TENM2: variants seen among roughly 807,000 people sequenced by gnomAD.
TENM2 encodes the protein teneurin-2.
A neutral mutation model predicts 245.2 loss-of-function variants in TENM2; 52 were observed. The observed-to-expected ratio is 0.21, with a 90% CI of 0.17 to 0.27. The LOEUF is 0.27. TENM2 is among the 10% of genes least tolerant of loss of function. The probability of loss-of-function intolerance (pLI) is 1.00; values close to 1 mark genes in which losing one functional copy is unlikely to be tolerated. For synonymous variants in TENM2, 1,363 were observed against 1,438.9 expected (o/e 0.95, Z 1.19); for missense variants, 3,046 against 3,666.8 (o/e 0.83, Z 4.37).
chr5:167,569,078 C>CTTTTTTTTTTTTTT (rs34311803), intron 2 of TENM2, among the ~76,000 whole-genome samples: 3 of 48,952 alleles, frequency 6.1e-5, no homozygotes, highest in African/African-American at 2.8e-4. Flanking sequence ...CTTCCTACAG[C>CTTTTTTTTTTTTTT]TTTTTTTTTT....
intron 9 of TENM2, among the ~76,000 whole-genome samples, chr5:168,100,340 C>T (rs1793705951): frequency 6.6e-6 from 1 of 152,140 alleles, no homozygotes; most frequent in Non-Finnish European, 1.5e-5. Flanking sequence ...CCTCAAGGAT[C>T]TAGAACCAGA....
chr5:168,113,209 G>T (rs1489371713), intron 9 of TENM2, among the ~76,000 whole-genome samples: 1 of 151,870 alleles, frequency 6.6e-6, no homozygotes, highest in Non-Finnish European at 1.5e-5. Context: ...GGTCCCAGAT[G>T]CTCTGGAGGC....
the TENM2 span, among the ~76,000 whole-genome samples, chr5:166,987,898 C>T: frequency 6.6e-6 from 1 of 152,120 alleles, no homozygotes; most frequent in African/African-American, 2.4e-5. Flanking sequence ...GAAAAATGTT[C>T]TCTAAAGGAT....
the TENM2 span, among the ~76,000 whole-genome samples, chr5:167,088,235 A>G: frequency 2.6e-5 from 4 of 152,200 alleles, no homozygotes; most frequent in Non-Finnish European, 5.9e-5. Context: ...ATAGTCCTGT[A>G]TTTGGAAATA....
At chr5:167,283,649 G>A (rs190982065), upstream of TENM2, among the ~76,000 whole-genome samples, 56 of 152,320 alleles carry the variant, frequency 3.7e-4, no homozygotes, top group East Asian at 9.1e-3. Context: ...AGCAACAGTA[G>A]CCTGGAGAAA....
At chr5:167,239,586 C>A in the TENM2 span, among the ~76,000 whole-genome samples, 1 of 152,134 alleles carries the variant, frequency 6.6e-6, no homozygotes, top group Non-Finnish European at 1.5e-5. Flanking sequence ...CAACGAGGTA[C>A]CTTTTACTAG....
intron 2 of TENM2, among the ~76,000 whole-genome samples, chr5:167,610,009 T>C (rs1289522199): frequency 6.6e-6 from 1 of 152,132 alleles, no homozygotes; most frequent in Admixed American, 6.6e-5. Context: ...TGACGTACAC[T>C]TTTGATCGGC....
chr5:167,499,864 G>T (rs1354221431), intron 2 of TENM2, among the ~76,000 whole-genome samples: 1 of 146,112 alleles, frequency 6.8e-6, no homozygotes, highest in Non-Finnish European at 1.5e-5. Flanking sequence ...GTGTGCATGT[G>T]TATGTGAGGG....
chr5:167,151,212 A>G, the TENM2 span, among the ~76,000 whole-genome samples: 16 of 152,218 alleles, frequency 1.1e-4, no homozygotes, highest in Non-Finnish European at 1.9e-4. Context: ...ATCAATTAAA[A>G]AGGAAAAACA....
the TENM2 span, among the ~76,000 whole-genome samples, chr5:167,228,790 C>T: frequency 9.2e-5 from 14 of 151,880 alleles, no homozygotes; most frequent in Admixed American, 3.3e-4. Context: ...CTGCAAGCTC[C>T]GCCTCCTGTG....
intron 1 of TENM2, among the ~76,000 whole-genome samples, chr5:167,365,529 AAAAG>A (rs1759995388): frequency 1.3e-5 from 2 of 151,968 alleles, no homozygotes; most frequent in Admixed American, 6.6e-5. Flanking sequence ...TCAATTTAAA[AAAAG>A]AAAGGATCCC....
the TENM2 span, among the ~76,000 whole-genome samples, chr5:167,063,987 C>T: frequency 5.9e-5 from 9 of 152,136 alleles, no homozygotes; most frequent in Non-Finnish European, 1.2e-4. Context: ...GGACATCTGG[C>T]GTTATCAGGA....
rs185666411 is a variant in TENM2 at position 167,675,969 on chromosome 5, A to G, written c.503-200017A>G. On this transcript the variant is annotated intron_variant, in intron 2 of 28. Coordinates refer to ENST00000518659, the Ensembl canonical transcript of TENM2. ...AATGTCAAAGATCAGTCTGACTTTC[A>G]AAACCTTAGGAAAATTTACCTACCC... 5.6e-3 allele frequency among the ~76,000 whole-genome samples: 852 copies of G among 152,208 alleles called. 5 individuals are homozygous for G. Among genetic ancestry groups the G allele is most frequent in the African/African-American group, 0.019 (802 of 41,544 alleles).
chr5:167,292,659 C>G (rs142030018), intron 1 of TENM2, among the ~76,000 whole-genome samples: 1 of 152,314 alleles, frequency 6.6e-6, no homozygotes, highest in African/African-American at 2.4e-5. Flanking sequence ...TAAAAGGCAA[C>G]TGCAATTTGT....
the TENM2 span, among the ~76,000 whole-genome samples, chr5:167,255,077 T>TC: frequency 4.0e-5 from 6 of 151,030 alleles, no homozygotes; most frequent in East Asian, 9.7e-4. Context: ...TCTTTTCTTT[T>TC]TTTTTTTTTT....
At chr5:167,967,677 A>G (rs796527009) in intron 4 of TENM2, among the ~76,000 whole-genome samples, 13 of 152,348 alleles carry the variant, frequency 8.5e-5, no homozygotes, top group South Asian at 4.1e-4. Flanking sequence ...TGGGGACCCA[A>G]TTACAAATTG....
At chr5:168,024,484 G>A (rs1238169517) in intron 5 of TENM2, among the ~76,000 whole-genome samples, 2 of 152,214 alleles carry the variant, frequency 1.3e-5, no homozygotes, top group East Asian at 1.9e-4. Context: ...TTTCGAAGCA[G>A]CAGGTAATGT....
intron 2 of TENM2, among the ~76,000 whole-genome samples, chr5:167,437,561 G>A (rs1300434618): frequency 6.6e-6 from 1 of 152,132 alleles, no homozygotes; most frequent in East Asian, 1.9e-4. Context: ...TTTGGAATGT[G>A]AGGACATGAA....
chr5:167,809,824 G>A (rs948577182), intron 2 of TENM2, among the ~76,000 whole-genome samples: 7 of 152,136 alleles, frequency 4.6e-5, no homozygotes, highest in South Asian at 2.1e-4. Flanking sequence ...TTAAATTTTG[G>A]TGATAGAAAA....
Sources: allele counts gnomAD v4.1 joint callset (sites outside exome capture counted in the v4.1 genomes callset), GRCh38; gene constraint gnomAD v4.1.1; transcripts MANE v1.5; gene names NCBI Gene and HGNC (gene_info 2026-07-23, HGNC 2026-07-21).